The following ABHD12 variants were observed in gnomAD, a reference collection of about 807,000 sequenced individuals.
ABHD12 encodes lysophosphatidylserine lipase ABHD12.
A neutral mutation model predicts 58.3 loss-of-function variants in ABHD12; 43 were observed. The observed-to-expected ratio is 0.74, with a 90% CI of 0.58 to 0.95. ABHD12 has a LOEUF of 0.95. Among genes scored for constraint, ABHD12 ranks in the 40% least tolerant of loss-of-function variants. ABHD12 has a pLI of 0.00. For synonymous variants in ABHD12, 219 were observed against 211.2 expected, an observed-to-expected ratio of 1.04 and a Z score of -0.32; for missense variants, 539 against 537.2, an observed-to-expected ratio of 1.00 and a Z score of -0.03.
At chr20:25,322,366 T>TAA (rs2089083851) in intron 3 of ABHD12, among the ~76,000 whole-genome samples, 1 of 47,148 alleles carries the variant, frequency 2.1e-5, no homozygotes, top group Admixed American at 2.5e-4. Flanking sequence ...GGAAAAGATA[T>TAA]ATATATATAT....
chr20:25,349,092 A>G (rs1013291586), intron 1 of ABHD12, among the ~76,000 whole-genome samples: 1 of 151,774 alleles, frequency 6.6e-6, no homozygotes, highest in African/African-American at 2.4e-5. Context: ...TCAAAAAAAA[A>G]AAAAAAAGAA....
intron 1 of ABHD12, among the ~76,000 whole-genome samples, chr20:25,388,071 A>C (rs2090117676): frequency 9.1e-6 from 1 of 109,542 alleles, no homozygotes. Flanking sequence ...CCAATCCTTC[A>C]TCCTACAAAA....
Position 25,349,145 on chromosome 20 carries a change from G to A in ABHD12, c.192-9794C>T, listed in dbSNP as rs182393285. 2.4e-3 allele frequency among the ~76,000 whole-genome samples: 360 copies of A among 151,788 alleles called. 1 individual carries two copies. Among genetic ancestry groups the A allele is most frequent in the Middle Eastern group, 0.017 (5 of 292 alleles). ...GTATCATACAATCTGGCAAAACGGG[G>A]AAAATAAGAGAGCACATTAAAAATC... On this transcript the variant is annotated intron_variant, in intron 1 of 12. Coordinates refer to ENST00000339157, the MANE Select transcript of ABHD12 (RefSeq NM_001042472.3).
At position 25,309,531 on chromosome 20, in the gene ABHD12, A is replaced by G; in HGVS notation, c.664T>C (p.Tyr222His). The change falls in exon 7 of 13, where the codon TAT (tyrosine) becomes CAT (histidine). Residue 222 changes from tyrosine (Y) to histidine (H), a missense_variant. Tyr to His is a moderately conservative substitution (Grantham distance 83). Transcript: ENST00000339157. The part of the protein sequence containing the change: ...VGTPSERGMT[Y>H]DALHVFDWIK... The stretch of plus-strand genomic sequence containing the variant: ...CAGTCAAAAACGTGGAGTGCGTCAT[A>G]GGTCATGCCCCGCTCAGATGGCGTT... 1 of 1,614,210 alleles carries G rather than the reference A, an allele frequency of 6.2e-7. No homozygotes were observed. The highest frequency in any genetic ancestry group is 1.1e-5 in the South Asian group (1 of 91,084).
chr20:25,353,613 G>A (rs2089630694), intron 1 of ABHD12, among the ~76,000 whole-genome samples: 1 of 152,172 alleles, frequency 6.6e-6, no homozygotes, highest in Non-Finnish European at 1.5e-5. Context: ...CTTTAGAGCA[G>A]GACTGAGAAT....
chr20:25,295,378 G>C (rs1166356033), downstream of ABHD12, among the ~76,000 whole-genome samples: 1 of 152,258 alleles, frequency 6.6e-6, no homozygotes, highest in East Asian at 1.9e-4. Context: ...TTGAAATAAG[G>C]TTTTTCTAAA....
chr20:25,369,401 C>T (rs887750962), intron 1 of ABHD12, among the ~76,000 whole-genome samples: 1 of 152,162 alleles, frequency 6.6e-6, no homozygotes, highest in African/African-American at 2.4e-5. Flanking sequence ...CTTATTTCTT[C>T]CTCTAGCTGT....
At chr20:25,385,871 G>A (rs1471739106) in intron 1 of ABHD12, among the ~76,000 whole-genome samples, 1 of 152,012 alleles carries the variant, frequency 6.6e-6, no homozygotes, top group Non-Finnish European at 1.5e-5. Flanking sequence ...GTCCAAGGCA[G>A]GCGGATCACG....
At chr20:25,358,191 T>C (rs78198846) in intron 1 of ABHD12, among the ~76,000 whole-genome samples, 12,234 of 152,108 alleles carry the variant, frequency 0.08, 710 homozygotes, top group South Asian at 0.18. Flanking sequence ...CGCTAAATAA[T>C]TGGACACTAA....
intron 1 of ABHD12, among the ~76,000 whole-genome samples, chr20:25,385,535 T>C (rs1006984564): frequency 1.3e-5 from 2 of 152,048 alleles, no homozygotes; most frequent in African/African-American, 2.4e-5. Context: ...CTGTAGTAGT[T>C]ACCGAAGTGC....
At chr20:25,359,248 C>T (rs1444325296) in intron 1 of ABHD12, among the ~76,000 whole-genome samples, 2 of 150,536 alleles carry the variant, frequency 1.3e-5, no homozygotes, top group African/African-American at 4.9e-5. Context: ...GGTGAAACCC[C>T]GTCTCTACTA....
At chr20:25,327,798 C>T (rs1343227533) in intron 2 of ABHD12, among the ~76,000 whole-genome samples, 1 of 152,152 alleles carries the variant, frequency 6.6e-6, no homozygotes, top group African/African-American at 2.4e-5. Flanking sequence ...CAAATTGCTC[C>T]TGGTGATAAA....
chr20:25,300,548 G>C lies in ABHD12; in HGVS notation c.*297C>G, dbSNP rs11100. ...CCTGTCCAGCTCAGTGCAGCATCAA[G>C]CAGGCAGTGATGGCTGCCTGCTGCC... On this transcript the variant is annotated 3_prime_UTR_variant, in exon 13 of 13. Transcript: ENST00000339157. 0.45 allele frequency: 622,074 copies of C among 1,380,880 alleles called. 145,249 individuals carry two copies. Among genetic ancestry groups the C allele is most frequent in the East Asian group, 0.92 (31,963 of 34,840 alleles). 85.5% of individuals were successfully genotyped at this position (1,380,880 alleles called of 1,614,324 possible). A position where few individuals can be genotyped will look rare whatever the true frequency, so the allele number is the denominator to read the frequency against.
chr20:25,329,329 C>T (rs557597493), intron 2 of ABHD12, among the ~76,000 whole-genome samples: 1 of 152,314 alleles, frequency 6.6e-6, no homozygotes, highest in East Asian at 1.9e-4. Context: ...CTCTTCTGAA[C>T]CGGGAGCTCC....
At chr20:25,372,220 CT>C (rs539579415) in intron 1 of ABHD12, among the ~76,000 whole-genome samples, 1,477 of 144,242 alleles carry the variant, frequency 0.01, 4 homozygotes, top group Non-Finnish European at 0.015. Context: ...TCAGCCTCTT[CT>C]TTTTTTTTTT....
intron 1 of ABHD12, among the ~76,000 whole-genome samples, chr20:25,381,091 TC>T (rs1271459615): frequency 5.3e-5 from 8 of 152,108 alleles, no homozygotes; most frequent in Admixed American, 1.3e-4. Flanking sequence ...CTAGCCGGTC[TC>T]CCTGCTTGCC....
At chr20:25,346,114 A>G (rs374397443) in intron 1 of ABHD12, among the ~76,000 whole-genome samples, 7 of 152,168 alleles carry the variant, frequency 4.6e-5, no homozygotes, top group African/African-American at 1.7e-4. Context: ...CGGACAATGG[A>G]ATATTATTCA....
intron 1 of ABHD12, among the ~76,000 whole-genome samples, chr20:25,379,921 C>T (rs1208328243): frequency 6.6e-6 from 1 of 151,376 alleles, no homozygotes; most frequent in Admixed American, 6.6e-5. Context: ...GATTCCTGGG[C>T]TCAAGTGATC....
Position 25,309,493 on chromosome 20 carries a change from T to C in ABHD12, c.702A>G (p.Arg234=). 1 of 1,614,188 alleles carries C rather than the reference T, an allele frequency of 6.2e-7. No homozygotes were observed. Among genetic ancestry groups the C allele is most frequent in the Non-Finnish European group, 8.5e-7 (1 of 1,180,022 alleles). Residue 234 remains arginine (R), a synonymous_variant, in exon 7 of 13, where the codon AGA becomes AGG. Transcript: ENST00000339157. The part of the protein sequence containing the change: ...ALHVFDWIKA[R]SGDNPVYIWG... ...AGATGTACACGGGGTTGTCACCACT[T>C]CTTGCTTTGATCCAGTCAAAAACGT...
Sources: allele counts gnomAD v4.1 joint callset (sites outside exome capture counted in the v4.1 genomes callset), GRCh38; gene constraint gnomAD v4.1.1; transcripts MANE v1.5; gene names NCBI Gene and HGNC (gene_info 2026-07-23, HGNC 2026-07-21).